Variants in CTNNA3 observed in about 807,000 individuals in gnomAD.
CTNNA3 encodes the protein catenin alpha 3.
In CTNNA3, 76 loss-of-function variants were observed where a neutral mutation model predicts 95.7. The observed-to-expected ratio is 0.79, with a 90% CI of 0.66 to 0.96. The LOEUF (loss-of-function observed/expected upper bound fraction) is 0.96, where lower values mean the gene tolerates loss of function less well. Among genes scored for constraint, CTNNA3 ranks in the 40% least tolerant of loss-of-function variants. The probability of loss-of-function intolerance (pLI) is 0.00; values close to 1 mark genes in which losing one functional copy is unlikely to be tolerated. For synonymous variants in CTNNA3, 431 were observed against 374.4 expected (o/e 1.15, Z -1.74); for missense variants, 1,191 against 1,089.8 (o/e 1.09, Z -1.31).
intron 3 of CTNNA3, among the ~76,000 whole-genome samples, chr10:67,571,578 A>C (rs894805916): frequency 1.3e-5 from 2 of 152,190 alleles, no homozygotes; most frequent in Admixed American, 6.6e-5. Flanking sequence ...ATTGTATTGC[A>C]AATCTCTGCG....
At chr10:67,634,064 C>G (rs956512452) in intron 2 of CTNNA3, among the ~76,000 whole-genome samples, 2 of 152,062 alleles carry the variant, frequency 1.3e-5, no homozygotes, top group Non-Finnish European at 2.9e-5. Context: ...GAAAAAATGT[C>G]AAGTGTAGCC....
At chr10:67,290,961 T>A (rs1238967734) in intron 5 of CTNNA3, among the ~76,000 whole-genome samples, 9 of 152,154 alleles carry the variant, frequency 5.9e-5, no homozygotes, top group Non-Finnish European at 4.4e-5. Flanking sequence ...ATGTTGAGTT[T>A]GCTTATTTGT....
chr10:67,665,624 C>T (rs1195579316), intron 1 of CTNNA3: 2 of 152,148 alleles, frequency 1.3e-5, no homozygotes, highest in Non-Finnish European at 2.9e-5. Context: ...TTCAGTGCCA[C>T]TATCATGGCT....
intron 12 of CTNNA3, among the ~76,000 whole-genome samples, chr10:66,289,363 G>T: frequency 1.5e-5 from 1 of 67,812 alleles, no homozygotes; most frequent in Non-Finnish European, 3.1e-5. Context: ...AAACAAGAAA[G>T]ATTTTTAAAG....
In CTNNA3 at chr10:67,145,242, A is replaced by G. The variant is rs552363262; in HGVS notation, c.1047+35075T>C. On this transcript the variant is annotated intron_variant, in intron 7 of 17. Transcript: ENST00000433211. ...ACATATATAATACTAATAAAGGTTA[A>G]AATATTCTGATAATTGCCAAAGCGT... Among the ~76,000 whole-genome samples the G allele has an allele frequency of 3.9e-5, 6 of 152,288 alleles. No homozygotes were observed. In the East Asian group the frequency reaches 1.2e-3, roughly 29 times the overall value.
intron 1 of CTNNA3, among the ~76,000 whole-genome samples, chr10:67,734,453 T>A (rs920957449): frequency 2.6e-5 from 4 of 152,144 alleles, no homozygotes; most frequent in African/African-American, 9.7e-5. Context: ...AAGATATATA[T>A]GATCCTGGGG....
intron 7 of CTNNA3, among the ~76,000 whole-genome samples, chr10:66,915,906 G>A (rs191291489): frequency 9.7e-4 from 148 of 151,872 alleles, no homozygotes; most frequent in African/African-American, 3.2e-3. Flanking sequence ...CTGCCACCAC[G>A]CCCAGATAAT....
chr10:66,432,338 AT>A lies in CTNNA3; in HGVS notation c.1532-52987del, dbSNP rs202228074. ...TTATGGCACTAAAACAGCGATACGC[AT>A]TTTTTAAAATTATTATTATACTTTA... On this transcript the variant is annotated intron_variant, in intron 11 of 17. Coordinates refer to ENST00000433211, the MANE Select transcript of CTNNA3 (RefSeq NM_013266.4). Among the ~76,000 whole-genome samples the A allele has an allele frequency of 5.0e-3, 754 of 152,266 alleles. 6 individuals are homozygous for A. Among genetic ancestry groups the A allele is most frequent in the African/African-American group, 0.012 (499 of 41,562 alleles).
chr10:66,770,201 T>C (rs1417734139), intron 8 of CTNNA3, among the ~76,000 whole-genome samples: 2 of 152,206 alleles, frequency 1.3e-5, no homozygotes, highest in Non-Finnish European at 2.9e-5. Context: ...AATGTTATGC[T>C]AAGCAATTTT....
At chr10:66,970,499 G>T (rs1405696303) in intron 7 of CTNNA3, among the ~76,000 whole-genome samples, 3 of 124,846 alleles carry the variant, frequency 2.4e-5, no homozygotes, top group South Asian at 2.5e-4. Context: ...CTATATTCTT[G>T]GGTGGGGGGG....
intron 1 of CTNNA3, among the ~76,000 whole-genome samples, chr10:67,671,812 A>G (rs1840440481): frequency 2.0e-5 from 3 of 151,760 alleles, no homozygotes; most frequent in South Asian, 2.1e-4. Context: ...TAGTGCCACA[A>G]TAAACATACG....
At chr10:66,661,704 T>A (rs1846270790) in intron 9 of CTNNA3, among the ~76,000 whole-genome samples, 1 of 152,018 alleles carries the variant, frequency 6.6e-6, no homozygotes, top group Admixed American at 6.6e-5. Context: ...CCTTGGCCAC[T>A]ATTGCTGGAA....
chr10:67,198,942 A>G (rs972391076), intron 6 of CTNNA3, among the ~76,000 whole-genome samples: 1 of 152,068 alleles, frequency 6.6e-6, no homozygotes, highest in Non-Finnish European at 1.5e-5. Flanking sequence ...TACATTTTTC[A>G]TCCTATTAAG....
intron 13 of CTNNA3, among the ~76,000 whole-genome samples, chr10:66,139,946 G>C (rs1454792894): frequency 6.6e-6 from 1 of 152,208 alleles, no homozygotes; most frequent in Non-Finnish European, 1.5e-5. Flanking sequence ...AACTGGGTAT[G>C]TGGCAATGGG....
intron 7 of CTNNA3, among the ~76,000 whole-genome samples, chr10:67,070,636 G>C (rs1054106745): frequency 1.3e-5 from 2 of 151,746 alleles, no homozygotes; most frequent in Non-Finnish European, 2.9e-5. Flanking sequence ...CTTCCCAGCT[G>C]CTTGGGAGGC....
chr10:66,616,119 T>C (rs1048258900), intron 10 of CTNNA3, among the ~76,000 whole-genome samples: 1 of 152,000 alleles, frequency 6.6e-6, no homozygotes, highest in Non-Finnish European at 1.5e-5. Context: ...ATCACATTTC[T>C]CTCTTTCATA....
intron 13 of CTNNA3, among the ~76,000 whole-genome samples, chr10:66,126,738 T>C (rs770895854): frequency 7.2e-5 from 11 of 152,124 alleles, no homozygotes; most frequent in African/African-American, 1.2e-4. Flanking sequence ...AACAAAGCAA[T>C]ATGGAATTCT....
chr10:66,056,317 G>T (rs180782419), intron 15 of CTNNA3, among the ~76,000 whole-genome samples: 13 of 152,136 alleles, frequency 8.5e-5, no homozygotes, highest in Admixed American at 7.9e-4. Flanking sequence ...CATTCTGTTG[G>T]TATGATGTAT....
intron 5 of CTNNA3, among the ~76,000 whole-genome samples, chr10:67,365,433 C>A (rs927038528): frequency 3.3e-5 from 5 of 152,102 alleles, no homozygotes; most frequent in Admixed American, 3.3e-4. Flanking sequence ...TCAGAGTGAA[C>A]AGGCAACCCA....
Sources: gnomAD v4.1 joint callset for allele counts (sites outside exome capture counted in the v4.1 genomes callset) on GRCh38, gnomAD v4.1.1 for gene constraint, MANE v1.5 for transcripts, NCBI Gene and HGNC (gene_info 2026-07-23, HGNC 2026-07-21) for gene names.